CDH20: variants seen among roughly 807,000 people sequenced by gnomAD.
The protein encoded by CDH20 is cadherin-20.
A neutral mutation model predicts 74.2 loss-of-function variants in CDH20; 29 were observed. The observed-to-expected ratio is 0.39, with a 90% CI of 0.29 to 0.53. The LOEUF is 0.53. Ranked by LOEUF, CDH20 falls within the 20% of genes least tolerant of loss-of-function variation. The pLI is 0.69. For missense variants in CDH20, 988 were observed against 1,048.3 expected, an observed-to-expected ratio of 0.94 and a Z score of 0.79; for synonymous variants, 469 against 405.4, an observed-to-expected ratio of 1.16 and a Z score of -1.88.
At chr18:61,347,174 C>T (rs536296161) in intron 1 of CDH20, among the ~76,000 whole-genome samples, 2 of 150,562 alleles carry the variant, frequency 1.3e-5, no homozygotes, top group Non-Finnish European at 3.0e-5. Flanking sequence ...ACAGGCCAGG[C>T]TCAGTGGTTC....
intron 9 of CDH20, among the ~76,000 whole-genome samples, chr18:61,540,396 T>C (rs1912986425): frequency 6.6e-6 from 1 of 151,988 alleles, no homozygotes; most frequent in African/African-American, 2.4e-5. Context: ...CAAGACTGAG[T>C]AATTTATAAA....
At chr18:61,454,763 C>A (rs1909515714) in intron 1 of CDH20, among the ~76,000 whole-genome samples, 1 of 152,218 alleles carries the variant, frequency 6.6e-6, no homozygotes, top group South Asian at 2.1e-4. Context: ...ACAGTACCAC[C>A]TGACTTTGTA....
At chr18:61,483,457 A>G (rs1910659173) in intron 1 of CDH20, among the ~76,000 whole-genome samples, 1 of 152,194 alleles carries the variant, frequency 6.6e-6, no homozygotes, top group Non-Finnish European at 1.5e-5. Flanking sequence ...GAATCCTTGT[A>G]AGGATTAAAT....
intron 1 of CDH20, among the ~76,000 whole-genome samples, chr18:61,335,323 A>G (rs1234129931): frequency 1.3e-5 from 2 of 151,838 alleles, no homozygotes; most frequent in African/African-American, 2.4e-5. Flanking sequence ...GTGGTTGCCA[A>G]CTCTTGGCTT....
chr18:61,345,960 A>G (rs1910103785), intron 1 of CDH20, among the ~76,000 whole-genome samples: 1 of 152,188 alleles, frequency 6.6e-6, no homozygotes, highest in Admixed American at 6.5e-5. Flanking sequence ...GCACTGAAGA[A>G]TATTCCAGGC....
intron 1 of CDH20, among the ~76,000 whole-genome samples, chr18:61,363,748 A>G (rs925557391): frequency 6.6e-6 from 1 of 152,188 alleles, no homozygotes; most frequent in African/African-American, 2.4e-5. Flanking sequence ...CTTACTTAAA[A>G]CAAGAGTCAG....
At chr18:61,434,721 T>A (rs1401126462) in intron 1 of CDH20, among the ~76,000 whole-genome samples, 1 of 152,140 alleles carries the variant, frequency 6.6e-6, no homozygotes, top group Non-Finnish European at 1.5e-5. Context: ...AGTCTTAATT[T>A]GTCATGAAGT....
intron 1 of CDH20, among the ~76,000 whole-genome samples, chr18:61,426,454 TATAGAATTTTTA>T (rs1378508361): frequency 6.6e-6 from 1 of 152,116 alleles, no homozygotes; most frequent in African/African-American, 2.4e-5. Context: ...CTTCTCGAAA[TATAGAATTTTTA>T]ATAGACCTAG....
chr18:61,398,117 C>T (rs1912043536), intron 1 of CDH20, among the ~76,000 whole-genome samples: 1 of 152,170 alleles, frequency 6.6e-6, no homozygotes, highest in Non-Finnish European at 1.5e-5. Context: ...TAACTACATC[C>T]CTAGCCTGTG....
chr18:61,394,930 C>A (rs1911915572), intron 1 of CDH20, among the ~76,000 whole-genome samples: 1 of 151,892 alleles, frequency 6.6e-6, no homozygotes, highest in Non-Finnish European at 1.5e-5. Context: ...TAGAATGGTT[C>A]TTCCTCCTCC....
At chr18:61,543,084 T>G (rs1056158791) in intron 9 of CDH20, among the ~76,000 whole-genome samples, 1 of 152,154 alleles carries the variant, frequency 6.6e-6, no homozygotes, top group African/African-American at 2.4e-5. Context: ...CTAAAGGGAC[T>G]GGTAGGTGAC....
In CDH20 at chr18:61,499,182, C is replaced by G; in HGVS notation, c.247-4C>G. 1 of 1,528,240 alleles carries G rather than the reference C, an allele frequency of 6.5e-7. No individual in the cohort carries two copies. The highest frequency in any genetic ancestry group is 1.3e-5 in the South Asian group (1 of 77,160). The allele number at this position is 1,528,240 out of a possible 1,614,324, so 94.7% of individuals were successfully genotyped here. A position where few individuals can be genotyped will look rare whatever the true frequency, so the allele number is the denominator to read the frequency against. On this transcript the variant is annotated splice_polypyrimidine_tract_variant and splice_region_variant and intron_variant, in intron 2 of 11. Transcript: ENST00000262717. ...GATGAGAATTAGGTGCTTTCCTCTC[C>G]CAGCTTCATTCAGATATGGACAGGG...
intron 2 of CDH20, among the ~76,000 whole-genome samples, chr18:61,493,909 A>C (rs2008316): frequency 1 from 152,019 of 152,282 alleles, 75,879 homozygotes; most frequent in Non-Finnish European, 1. Flanking sequence ...GACGCCACTC[A>C]CCAACTTTGT....
intron 6 of CDH20, 101 bp from the exon 7 acceptor site, chr18:61,527,866 T>G: frequency 9.1e-7 from 1 of 1,096,660 alleles, no homozygotes; most frequent in Non-Finnish European, 1.3e-6. Flanking sequence ...AATTGGAGAA[T>G]CTTCCCACCA....
intron 1 of CDH20, among the ~76,000 whole-genome samples, chr18:61,454,504 C>T (rs1298623628): frequency 6.6e-6 from 1 of 152,154 alleles, no homozygotes. Flanking sequence ...AGAAAACACA[C>T]AATGCACACT....
intron 4 of CDH20, among the ~76,000 whole-genome samples, chr18:61,502,462 G>A (rs1026250657): frequency 2.6e-5 from 4 of 152,104 alleles, no homozygotes; most frequent in Non-Finnish European, 4.4e-5. Flanking sequence ...CAGGTAGTAG[G>A]GAAGCAAGAA....
At chr18:61,367,224 G>A (rs1452328997) in intron 1 of CDH20, among the ~76,000 whole-genome samples, 3 of 152,086 alleles carry the variant, frequency 2.0e-5, no homozygotes, top group African/African-American at 4.8e-5. Context: ...TGTTTTACGT[G>A]TTCTCTACAA....
At chr18:61,362,605 T>C (rs984709876) in intron 1 of CDH20, among the ~76,000 whole-genome samples, 3 of 152,006 alleles carry the variant, frequency 2.0e-5, no homozygotes, top group African/African-American at 7.2e-5. Flanking sequence ...GAGATGAAAG[T>C]ATGAGGAAGA....
At chr18:61,404,942 G>A in intron 1 of CDH20, 1 of 708,322 alleles carries the variant, frequency 1.4e-6, no homozygotes, top group East Asian at 2.7e-5. Flanking sequence ...ATACTCTGTA[G>A]TATTTTCCTC....
Sources: gnomAD v4.1 joint callset for allele counts (sites outside exome capture counted in the v4.1 genomes callset) on GRCh38, gnomAD v4.1.1 for gene constraint, MANE v1.5 for transcripts, NCBI Gene and HGNC (gene_info 2026-07-23, HGNC 2026-07-21) for gene names.